The following GPR137C variants were observed in gnomAD, a reference collection of about 807,000 sequenced individuals.
GPR137C encodes integral membrane protein GPR137C.
GPR137C carries 27 observed loss-of-function variants against 43.4 expected under a neutral mutation model. The ratio of observed to expected loss-of-function variants is 0.62; its 90% CI spans 0.46 to 0.86. The LOEUF is 0.86. GPR137C is among the 40% of genes least tolerant of loss of function. GPR137C has a pLI of 0.00. For missense variants in GPR137C, 522 were observed against 534.6 expected (o/e 0.98, Z 0.23); for synonymous variants, 285 against 226.9 (o/e 1.26, Z -2.30).
chr14:52,577,799 CAAAAAAA>C (rs564080315), intron 1 of GPR137C, among the ~76,000 whole-genome samples: 13 of 104,220 alleles, frequency 1.2e-4, no homozygotes, highest in Admixed American at 9.1e-4. Flanking sequence ...ACCATCTCTA[CAAAAAAA>C]AAAAAAAAAA....
intron 3 of GPR137C, among the ~76,000 whole-genome samples, chr14:52,626,910 C>G (rs906221827): frequency 6.6e-6 from 1 of 152,076 alleles, no homozygotes; most frequent in African/African-American, 2.4e-5. Flanking sequence ...TTCCAAAAAG[C>G]AAGCAATATC....
At chr14:52,559,898 C>T (rs1047868326) in intron 1 of GPR137C, among the ~76,000 whole-genome samples, 3 of 152,152 alleles carry the variant, frequency 2.0e-5, no homozygotes, top group Admixed American at 6.5e-5. Flanking sequence ...TGGTAGCTCA[C>T]GCCTTTAATC....
chr14:52,612,074 T>G, intron 3 of GPR137C: 1 of 985,292 alleles, frequency 1.0e-6, no homozygotes, highest in Non-Finnish European at 1.2e-6. Flanking sequence ...CTGGTTTTAT[T>G]TCTACCAGAC....
chr14:52,555,173 G>A (rs927571405), intron 1 of GPR137C, among the ~76,000 whole-genome samples: 3 of 152,084 alleles, frequency 2.0e-5, no homozygotes, highest in African/African-American at 4.8e-5. Flanking sequence ...AGTGACTAGC[G>A]ATTTTTATGC....
rs1957385 is a variant in GPR137C, at chr14:52,617,401, G to A, written c.718-14759G>A. 7.1e-3 allele frequency among the ~76,000 whole-genome samples: 1,085 copies of A among 152,130 alleles called. 14 individuals carry two copies. The highest frequency in any genetic ancestry group is 0.025 in the African/African-American group (1,031 of 41,500). ...AGTGATTAAAAGATGGAAACTGGCC[G>A]GGCGCGGGGGCTCACACCTGTAATC... On this transcript the variant is annotated intron_variant, in intron 3 of 6. Coordinates refer to ENST00000321662, the MANE Select transcript of GPR137C (RefSeq NM_001099652.2).
intron 3 of GPR137C, among the ~76,000 whole-genome samples, chr14:52,621,755 A>G (rs2039163709): frequency 6.6e-6 from 1 of 151,654 alleles, no homozygotes. Flanking sequence ...CCCTAGAGCA[A>G]TGGTTCTCAA....
intron 3 of GPR137C, among the ~76,000 whole-genome samples, chr14:52,627,385 C>T (rs1053369740): frequency 6.6e-6 from 1 of 152,010 alleles, no homozygotes; most frequent in Non-Finnish European, 1.5e-5. Flanking sequence ...AGAGTGAAAT[C>T]CTGTCTCAAA....
At chr14:52,565,589 C>T (rs1311495300) in intron 1 of GPR137C, among the ~76,000 whole-genome samples, 1 of 152,170 alleles carries the variant, frequency 6.6e-6, no homozygotes, top group East Asian at 1.9e-4. Context: ...CAACACCTAG[C>T]ACTGTTATAT....
At chr14:52,574,318 C>G (rs2038517825) in intron 1 of GPR137C, among the ~76,000 whole-genome samples, 1 of 152,064 alleles carries the variant, frequency 6.6e-6, no homozygotes, top group South Asian at 2.1e-4. Flanking sequence ...GGAACCAACC[C>G]AAATGCCCAT....
chr14:52,612,013 T>C (rs2039044040), intron 3 of GPR137C: 1 of 985,440 alleles, frequency 1.0e-6, no homozygotes, highest in Non-Finnish European at 1.2e-6. Context: ...TGTTGTTCTT[T>C]GGTAAACTTT....
intron 2 of GPR137C, among the ~76,000 whole-genome samples, chr14:52,599,348 A>G (rs2038895577): frequency 6.6e-6 from 1 of 152,136 alleles, no homozygotes; most frequent in Non-Finnish European, 1.5e-5. Context: ...TTCTTTAGTC[A>G]AGTTTGAAAG....
At chr14:52,634,375 A>G (rs1334730288) in intron 6 of GPR137C, among the ~76,000 whole-genome samples, 2 of 152,114 alleles carry the variant, frequency 1.3e-5, no homozygotes, top group African/African-American at 2.4e-5. Context: ...TTACAAAACC[A>G]TTTCAAGTCC....
intron 3 of GPR137C, among the ~76,000 whole-genome samples, chr14:52,614,578 C>T (rs2039077627): frequency 6.6e-6 from 1 of 152,192 alleles, no homozygotes; most frequent in South Asian, 2.1e-4. Context: ...GCCTCAACCT[C>T]CTGGGCCCAG....
At chr14:52,611,696 A>T in intron 3 of GPR137C, 1 of 415,300 alleles carries the variant, frequency 2.4e-6, no homozygotes, top group Non-Finnish European at 3.2e-6. Context: ...TACATAGTAC[A>T]AAGTAGTAAT....
intron 3 of GPR137C, among the ~76,000 whole-genome samples, chr14:52,619,527 T>C (rs1277457174): frequency 6.6e-6 from 1 of 152,172 alleles, no homozygotes; most frequent in Non-Finnish European, 1.5e-5. Context: ...AAGTCTTATT[T>C]CCTATTCTGT....
intron 1 of GPR137C, among the ~76,000 whole-genome samples, chr14:52,590,765 C>G (rs899890698): frequency 6.6e-6 from 1 of 152,094 alleles, no homozygotes; most frequent in Non-Finnish European, 1.5e-5. Flanking sequence ...GTAGGCTATA[C>G]CATCTAGGTT....
At chr14:52,623,741 C>G (rs1001326606) in intron 3 of GPR137C, among the ~76,000 whole-genome samples, 1 of 152,014 alleles carries the variant, frequency 6.6e-6, no homozygotes, top group African/African-American at 2.4e-5. Flanking sequence ...TTCCTCTCTT[C>G]ATTGAGTCAG....
At chr14:52,562,469 C>G (rs959704185) in intron 1 of GPR137C, among the ~76,000 whole-genome samples, 1 of 152,088 alleles carries the variant, frequency 6.6e-6, no homozygotes, top group Non-Finnish European at 1.5e-5. Context: ...ACAAAAATAA[C>G]TTGTAAAGCT....
chr14:52,602,516 C>A (rs2038938510), intron 3 of GPR137C, among the ~76,000 whole-genome samples: 1 of 151,966 alleles, frequency 6.6e-6, no homozygotes. Flanking sequence ...CCAATCTTAC[C>A]TTCCTTATTT....
Sources: gnomAD v4.1 joint callset for allele counts (sites outside exome capture counted in the v4.1 genomes callset) on GRCh38, gnomAD v4.1.1 for gene constraint, MANE v1.5 for transcripts, NCBI Gene and HGNC (gene_info 2026-07-23, HGNC 2026-07-21) for gene names.